ITPR1: variants seen among roughly 807,000 people sequenced by gnomAD.
The protein encoded by ITPR1 is inositol 1,4,5-trisphosphate-gated calcium channel ITPR1.
ITPR1 carries 96 observed loss-of-function variants against 318.4 expected under a neutral mutation model. The ratio of observed to expected loss-of-function variants is 0.30; its 90% CI spans 0.26 to 0.36. ITPR1 has a LOEUF of 0.36. ITPR1 is among the 10% of genes least tolerant of loss of function. The pLI is 1.00. For synonymous variants in ITPR1, 1,312 were observed against 1,289.9 expected (o/e 1.02, Z -0.37); for missense variants, 2,440 against 3,460.2 (o/e 0.71, Z 7.40).
chr3:4,494,245 G>GTT (rs1438395700), intron 1 of ITPR1, among the ~76,000 whole-genome samples, 186 bp from the exon 2 acceptor site: 3 of 152,256 alleles, frequency 2.0e-5, no homozygotes, highest in Non-Finnish European at 4.4e-5. Context: ...CTGGAAATAA[G>GTT]TAAGCGTAGT....
At chr3:4,650,541 T>C (rs2125168476) in intron 10 of ITPR1, among the ~76,000 whole-genome samples, 1 of 152,144 alleles carries the variant, frequency 6.6e-6, no homozygotes. Context: ...TACCCCAACC[T>C]CAGCTGCTGT....
At chr3:4,724,045 C>A (rs1227740493) in intron 40 of ITPR1, among the ~76,000 whole-genome samples, 2 of 152,056 alleles carry the variant, frequency 1.3e-5, no homozygotes, top group Non-Finnish European at 2.9e-5. Flanking sequence ...ATACCTTTAC[C>A]TGTGCTCTGC....
chr3:4,821,573 CGAGTCATG>C (rs2049722635), intron 60 of ITPR1, among the ~76,000 whole-genome samples: 1 of 152,190 alleles, frequency 6.6e-6, no homozygotes, highest in East Asian at 1.9e-4. Flanking sequence ...TGACATTTGA[CGAGTCATG>C]AATGAAAGAG....
At chr3:4,513,159 C>T (rs375884122) in intron 2 of ITPR1, among the ~76,000 whole-genome samples, 3 of 152,198 alleles carry the variant, frequency 2.0e-5, no homozygotes, top group African/African-American at 4.8e-5. Flanking sequence ...AACAGGAAGT[C>T]TTCCAGAAGA....
In ITPR1 at chr3:4,561,728, C is replaced by G. The variant is rs4685762; in HGVS notation, c.163+40634C>G. 2.9e-3 allele frequency among the ~76,000 whole-genome samples: 445 copies of G among 151,518 alleles called. 2 individuals carry two copies. Among genetic ancestry groups the G allele is most frequent in the Admixed American group, 4.7e-3 (71 of 15,214 alleles). On this transcript the variant is annotated intron_variant, in intron 4 of 61. Coordinates refer to ENST00000649015, the MANE Select transcript of ITPR1 (RefSeq NM_001378452.1). The stretch of plus-strand genomic sequence containing the variant: ...TTGGTTTGTAATATTCATGGTTTAG[C>G]CTGAATGACTTAAAGGATTTATTTT...
At chr3:4,837,572 C>T (rs769681739) in intron 61 of ITPR1, among the ~76,000 whole-genome samples, 48 of 152,088 alleles carry the variant, frequency 3.2e-4, no homozygotes, top group Non-Finnish European at 4.0e-4. Flanking sequence ...ATAAATGCTT[C>T]GCCCTTATCT....
intron 45 of ITPR1, chr3:4,768,298 G>A (rs2045949058): frequency 1.9e-6 from 1 of 527,074 alleles, no homozygotes; most frequent in Admixed American, 3.3e-5. Context: ...ACACGTAGGT[G>A]AAATGGTAGA....
intron 58 of ITPR1, 49 bp downstream of exon 58, chr3:4,814,611 G>GGGGGGGGGT: frequency 1.4e-6 from 1 of 707,948 alleles, no homozygotes; most frequent in Non-Finnish European, 2.4e-6. Flanking sequence ...GGGTGGGGTG[G>GGGGGGGGGT]TTGGTGGGAG....
At chr3:4,550,553 G>A (rs1436389468) in intron 4 of ITPR1, among the ~76,000 whole-genome samples, 3 of 152,110 alleles carry the variant, frequency 2.0e-5, no homozygotes, top group African/African-American at 4.8e-5. Flanking sequence ...GCATAATTAG[G>A]CCAGTTATCT....
chr3:4,508,455 GTTTTTTTTT>G (rs4054897), intron 2 of ITPR1, among the ~76,000 whole-genome samples: 4 of 125,760 alleles, frequency 3.2e-5, no homozygotes, highest in Non-Finnish European at 4.9e-5. Context: ...GAAAATCAAG[GTTTTTTTTT>G]TTTTTTTTTT....
At chr3:4,691,413 A>G in intron 32 of ITPR1, 69 bp downstream of exon 32, 1 of 1,117,624 alleles carries the variant, frequency 8.9e-7, no homozygotes, top group South Asian at 1.4e-5. Flanking sequence ...ATTTAATCTT[A>G]TCTGTATGAA....
intron 43 of ITPR1, among the ~76,000 whole-genome samples, 188 bp downstream of exon 43, chr3:4,733,408 G>A (rs972361623): frequency 1.6e-4 from 24 of 152,050 alleles, no homozygotes; most frequent in Non-Finnish European, 2.9e-4. Flanking sequence ...CTGCAAACTA[G>A]CATTTCCCTG....
intron 4 of ITPR1, among the ~76,000 whole-genome samples, chr3:4,569,482 A>C (rs935769260): frequency 6.6e-6 from 1 of 152,236 alleles, no homozygotes; most frequent in African/African-American, 2.4e-5. Flanking sequence ...GTCAACAAAC[A>C]AAACATTGTG....
At chr3:4,660,709 C>A (rs1346142710) in intron 13 of ITPR1, among the ~76,000 whole-genome samples, 1 of 152,060 alleles carries the variant, frequency 6.6e-6, no homozygotes, top group African/African-American at 2.4e-5. Context: ...CTGTCTCATG[C>A]TCTGTTTATG....
intron 4 of ITPR1, among the ~76,000 whole-genome samples, chr3:4,586,963 G>A (rs1456865700): frequency 1.3e-5 from 2 of 152,012 alleles, no homozygotes; most frequent in African/African-American, 4.8e-5. Flanking sequence ...GTTCTCTAAG[G>A]CATTGATTCC....
intron 4 of ITPR1, among the ~76,000 whole-genome samples, chr3:4,555,509 A>T (rs893654042): frequency 6.6e-6 from 1 of 152,150 alleles, no homozygotes; most frequent in African/African-American, 2.4e-5. Context: ...ATTTTTTGTT[A>T]ATGTCAATAG....
chr3:4,553,950 A>G (rs1214291366), intron 4 of ITPR1, among the ~76,000 whole-genome samples: 2 of 152,076 alleles, frequency 1.3e-5, no homozygotes, highest in Non-Finnish European at 2.9e-5. Flanking sequence ...CATGTTGCCC[A>G]GGCTGGTCTT....
chr3:4,513,835 C>G (rs1336887097), intron 2 of ITPR1, among the ~76,000 whole-genome samples: 1 of 152,042 alleles, frequency 6.6e-6, no homozygotes, highest in East Asian at 1.9e-4. Flanking sequence ...GCTGTCATCC[C>G]ATTACTTTGG....
intron 15 of ITPR1, 62 bp downstream of exon 15, chr3:4,662,304 G>T: frequency 1.5e-6 from 2 of 1,370,814 alleles, no homozygotes; most frequent in East Asian, 5.2e-5. Flanking sequence ...TGACATCCAT[G>T]GGGTGGAGTG....
Sources: allele counts gnomAD v4.1 joint callset (sites outside exome capture counted in the v4.1 genomes callset), GRCh38; gene constraint gnomAD v4.1.1; transcripts MANE v1.5; gene names NCBI Gene and HGNC (gene_info 2026-07-23, HGNC 2026-07-21).